ADAMTS19: variants seen among roughly 807,000 people sequenced by gnomAD.
ADAMTS19 encodes the protein A disintegrin and metalloproteinase with thrombospondin motifs 19.
In ADAMTS19, 93 loss-of-function variants were observed where a neutral mutation model predicts 153.3. The ratio of observed to expected loss-of-function variants is 0.61; its 90% CI spans 0.51 to 0.72. The LOEUF is 0.72. ADAMTS19 is among the 30% of genes least tolerant of loss of function. The probability of loss-of-function intolerance (pLI) is 0.00; values close to 1 mark genes in which losing one functional copy is unlikely to be tolerated. For missense variants in ADAMTS19, 1,482 were observed against 1,552.1 expected (o/e 0.95, Z 0.76); for synonymous variants, 600 against 556.6 (o/e 1.08, Z -1.10).
intron 9 of ADAMTS19, among the ~76,000 whole-genome samples, chr5:129,621,141 C>T (rs1248064396): frequency 6.6e-6 from 1 of 152,012 alleles, no homozygotes; most frequent in Non-Finnish European, 1.5e-5. Flanking sequence ...CTTCACTTTT[C>T]GTTTGTAATA....
intron 21 of ADAMTS19, among the ~76,000 whole-genome samples, chr5:129,708,065 T>G (rs1330781850): frequency 6.6e-6 from 1 of 152,186 alleles, no homozygotes; most frequent in Non-Finnish European, 1.5e-5. Flanking sequence ...ATGATTTATA[T>G]CATATATATT....
chr5:129,563,281 A>T (rs1753587696), intron 7 of ADAMTS19, among the ~76,000 whole-genome samples: 1 of 152,106 alleles, frequency 6.6e-6, no homozygotes, highest in South Asian at 2.1e-4. Context: ...TAAAGCAATT[A>T]TTGAGGTCAT....
intron 3 of ADAMTS19, 62 bp from the exon 4 acceptor site, chr5:129,526,222 G>A: frequency 1.5e-6 from 2 of 1,374,476 alleles, no homozygotes; most frequent in South Asian, 3.0e-5. Flanking sequence ...TATTAAATAT[G>A]TTTAATATTA....
chr5:129,495,517 T>C (rs1013341278), intron 2 of ADAMTS19, among the ~76,000 whole-genome samples: 6 of 152,052 alleles, frequency 3.9e-5, no homozygotes, highest in Non-Finnish European at 2.9e-5. Context: ...TCAGGGTATA[T>C]AGTTATGGTG....
intron 2 of ADAMTS19, among the ~76,000 whole-genome samples, chr5:129,479,536 T>A (rs1277795182): frequency 6.6e-6 from 1 of 152,174 alleles, no homozygotes; most frequent in Non-Finnish European, 1.5e-5. Context: ...GAAGCAAAGC[T>A]GTTTTTTATT....
intron 10 of ADAMTS19, among the ~76,000 whole-genome samples, chr5:129,639,226 C>T (rs928788168): frequency 2.6e-5 from 4 of 152,040 alleles, no homozygotes; most frequent in African/African-American, 9.7e-5. Context: ...AATATAATAC[C>T]CGTAATGCCC....
At chr5:129,597,092 T>C (rs1429603904) in intron 8 of ADAMTS19, among the ~76,000 whole-genome samples, 1 of 152,206 alleles carries the variant, frequency 6.6e-6, no homozygotes, top group Non-Finnish European at 1.5e-5. Context: ...TTAGATATAA[T>C]GTATTTGAAA....
Position 129,579,931 on chromosome 5 carries a change from C to T in ADAMTS19, c.1373-16628C>T, listed in dbSNP as rs188942960. On this transcript the variant is annotated intron_variant, in intron 7 of 22. Coordinates refer to ENST00000274487, the MANE Select transcript of ADAMTS19 (RefSeq NM_133638.6). ...CTTGACTATACGGGCTCTTTTTTGGCTCCATATGAAATTCAAAGTAGTTTT... is the reference window on the plus strand; with the variant it reads ...CTTGACTATACGGGCTCTTTTTTGGTTCCATATGAAATTCAAAGTAGTTTT... 1.6e-3 allele frequency among the ~76,000 whole-genome samples: 240 copies of T among 152,092 alleles called. 1 individual carries two copies. Among genetic ancestry groups the T allele is most frequent in the African/African-American group, 5.3e-3 (218 of 41,482 alleles).
Position 129,515,138 on chromosome 5 carries a change from A to G in ADAMTS19, c.913+5896A>G, listed in dbSNP as rs375154918. Among the ~76,000 whole-genome samples the G allele has an allele frequency of 9.2e-5, 14 of 151,982 alleles. 1 individual carries two copies. In the East Asian group the frequency reaches 1.4e-3, roughly 15 times the overall value. ...GTTTCTTTGCTTTCTGTTATATTCCATTGGTCTATGTGCCTGTTTTTATGC... is the reference window on the plus strand; with the variant it reads ...GTTTCTTTGCTTTCTGTTATATTCCGTTGGTCTATGTGCCTGTTTTTATGC... On this transcript the variant is annotated intron_variant, in intron 3 of 22. Coordinates refer to ENST00000274487, the MANE Select transcript of ADAMTS19 (RefSeq NM_133638.6).
At chr5:129,475,806 C>T (rs1750205754) in intron 2 of ADAMTS19, among the ~76,000 whole-genome samples, 1 of 152,208 alleles carries the variant, frequency 6.6e-6, no homozygotes, top group Non-Finnish European at 1.5e-5. Context: ...GCACTTCAGC[C>T]TGGGAGACAG....
chr5:129,541,998 T>C (rs1022756432), intron 6 of ADAMTS19, among the ~76,000 whole-genome samples: 1 of 152,168 alleles, frequency 6.6e-6, no homozygotes, highest in Non-Finnish European at 1.5e-5. Flanking sequence ...TATAGTTATA[T>C]TGAGACTCTG....
chr5:129,510,305 TTATAA>T (rs888601524), intron 3 of ADAMTS19, among the ~76,000 whole-genome samples: 3 of 151,774 alleles, frequency 2.0e-5, no homozygotes, highest in Middle Eastern at 3.2e-3. Context: ...CAGAAAAATA[TTATAA>T]TATATTTCTA....
At chr5:129,620,091 T>C (rs1751710202) in intron 8 of ADAMTS19, among the ~76,000 whole-genome samples, 1 of 151,988 alleles carries the variant, frequency 6.6e-6, no homozygotes, top group South Asian at 2.1e-4. Flanking sequence ...GATTCAGGAT[T>C]CATTAAAAAA....
At chr5:129,632,901 T>C (rs587410) in intron 10 of ADAMTS19, among the ~76,000 whole-genome samples, 7,534 of 152,208 alleles carry the variant, frequency 0.049, 255 homozygotes, top group Middle Eastern at 0.093. Flanking sequence ...TAGAGGATTG[T>C]TGAACTTATT....
intron 8 of ADAMTS19, among the ~76,000 whole-genome samples, chr5:129,611,086 C>A (rs1751189640): frequency 6.6e-6 from 1 of 152,180 alleles, no homozygotes; most frequent in Non-Finnish European, 1.5e-5. Context: ...TAAATGTCTT[C>A]TTTTGAGAAG....
At chr5:129,661,633 GA>G (rs1295063457) in intron 15 of ADAMTS19, among the ~76,000 whole-genome samples, 11 of 152,146 alleles carry the variant, frequency 7.2e-5, no homozygotes, top group Middle Eastern at 3.2e-3. Context: ...ATAAATTCAA[GA>G]AGCGTTTTCT....
chr5:129,717,683 C>T (rs1329416018), intron 21 of ADAMTS19, among the ~76,000 whole-genome samples: 1 of 151,744 alleles, frequency 6.6e-6, no homozygotes, highest in Non-Finnish European at 1.5e-5. Flanking sequence ...CATTATCTAC[C>T]TTAGAAAAGA....
intron 21 of ADAMTS19, among the ~76,000 whole-genome samples, chr5:129,724,340 T>C (rs1757120287): frequency 6.6e-6 from 1 of 152,216 alleles, no homozygotes; most frequent in Non-Finnish European, 1.5e-5. Context: ...TTAAGGTCTC[T>C]TTTTTAACGT....
At chr5:129,552,610 A>C (rs1753164085) in intron 7 of ADAMTS19, among the ~76,000 whole-genome samples, 1 of 151,898 alleles carries the variant, frequency 6.6e-6, no homozygotes, top group African/African-American at 2.4e-5. Context: ...TAAGAATTGT[A>C]ATCTAATTTT....
Sources: allele counts gnomAD v4.1 joint callset (sites outside exome capture counted in the v4.1 genomes callset), GRCh38; gene constraint gnomAD v4.1.1; transcripts MANE v1.5; gene names NCBI Gene and HGNC (gene_info 2026-07-23, HGNC 2026-07-21).